Variants in ETV1 observed in about 807,000 individuals in gnomAD.
ETV1 encodes the protein ETS translocation variant 1.
A neutral mutation model predicts 62.3 loss-of-function variants in ETV1; 27 were observed. That is an observed-to-expected ratio of 0.43 (90% CI 0.32 to 0.60). ETV1 has a LOEUF of 0.60. Among genes scored for constraint, ETV1 ranks in the 20% least tolerant of loss-of-function variants. The probability of loss-of-function intolerance (pLI) is 0.06; values close to 1 mark genes in which losing one functional copy is unlikely to be tolerated. For missense variants in ETV1, 605 were observed against 605.8 expected (o/e 1.00, Z 0.01); for synonymous variants, 222 against 199.6 (o/e 1.11, Z -0.94).
chr7:13,938,129 G>C (rs948425630), intron 7 of ETV1, among the ~76,000 whole-genome samples: 1 of 152,120 alleles, frequency 6.6e-6, no homozygotes, highest in East Asian at 1.9e-4. Context: ...ATTTTCAGTA[G>C]AGACGAGGTT....
At chr7:13,930,601 G>C (rs140702194) in intron 9 of ETV1, among the ~76,000 whole-genome samples, 1 of 151,878 alleles carries the variant, frequency 6.6e-6, no homozygotes, top group Non-Finnish European at 1.5e-5. Context: ...GATTACAGGC[G>C]TGAGCCACCA....
Position 13,892,485 on chromosome 7 carries a change from G to A in ETV1, c.*3381C>T, listed in dbSNP as rs1781448097. On this transcript the variant is annotated 3_prime_UTR_variant, in exon 14 of 14. Coordinates refer to ENST00000430479, the MANE Select transcript of ETV1 (RefSeq NM_004956.5). ...CCCTCAGCAGAACTCCACTGTTCCT[G>A]AGTAAATCAATTAGAGTCTTTGCTA... is the stretch of plus-strand genomic sequence containing the variant. 4.3e-6 allele frequency: 1 copy of A among 232,842 alleles called. No individual in the cohort carries two copies. The highest frequency in any genetic ancestry group is 5.6e-5 in the Admixed American group (1 of 17,752). The allele number at this position is 232,842 out of a possible 1,614,324, so 14.4% of individuals were successfully genotyped here.
Position 13,986,092 on chromosome 7 carries a change from A to G in ETV1, c.181+546T>C, listed in dbSNP as rs370366131. ...TCTCCCATTTATTTTAAACCCATAG[A>G]TTTCCTAAGCATTAGATACACACCT... On this transcript the variant is annotated intron_variant, in intron 5 of 13. Transcript: ENST00000430479. 6.7e-5 allele frequency: 102 copies of G among 1,530,464 alleles called. No individual in the cohort carries two copies. In the African/African-American group the frequency reaches 1.3e-3, roughly 19 times the overall value. The allele number at this position is 1,530,464 out of a possible 1,614,324, so 94.8% of individuals were successfully genotyped here. A position where few individuals can be genotyped will look rare whatever the true frequency, so the allele number is the denominator to read the frequency against.
At chr7:13,905,941 C>T (rs537075658) in intron 12 of ETV1, among the ~76,000 whole-genome samples, 26 of 152,240 alleles carry the variant, frequency 1.7e-4, no homozygotes, top group Admixed American at 1.5e-3. Context: ...TGTTTTTCCC[C>T]AATCTTCTTT....
At chr7:13,972,802 G>A (rs1781037384) in intron 6 of ETV1, among the ~76,000 whole-genome samples, 1 of 152,078 alleles carries the variant, frequency 6.6e-6, no homozygotes, top group African/African-American at 2.4e-5. Flanking sequence ...TAGATACAGG[G>A]TCTCATTATG....
intron 11 of ETV1, among the ~76,000 whole-genome samples, chr7:13,907,434 A>G (rs1325073964): frequency 6.6e-6 from 1 of 152,132 alleles, no homozygotes; most frequent in Non-Finnish European, 1.5e-5. Flanking sequence ...TTTGTGTTAT[A>G]TTTATTTGAT....
At chr7:13,988,928 C>G in intron 3 of ETV1, 80 bp downstream of exon 3, 2 of 1,434,212 alleles carry the variant, frequency 1.4e-6, no homozygotes, top group South Asian at 2.4e-5. Context: ...CCCCGTGCCC[C>G]CTCCCTTCTC....
At chr7:13,907,899 T>C (rs1363945824) in intron 11 of ETV1, 1 of 464,906 alleles carries the variant, frequency 2.2e-6, no homozygotes, top group Admixed American at 2.4e-5. Flanking sequence ...GCTGCTAAAA[T>C]CATTATGTTG....
chr7:13,957,730 A>G (rs970183415), intron 6 of ETV1, among the ~76,000 whole-genome samples: 2 of 152,248 alleles, frequency 1.3e-5, no homozygotes, highest in Admixed American at 6.5e-5. Flanking sequence ...TCAGCAGCTT[A>G]TATTAGCACT....
chr7:13,932,361 C>A (rs1017849227), intron 8 of ETV1, among the ~76,000 whole-genome samples: 3 of 152,102 alleles, frequency 2.0e-5, no homozygotes, highest in African/African-American at 7.2e-5. Flanking sequence ...GGACTCAAAC[C>A]CAAGCCGGTT....
At chr7:13,981,041 C>T (rs1748872477) in intron 5 of ETV1, among the ~76,000 whole-genome samples, 1 of 151,680 alleles carries the variant, frequency 6.6e-6, no homozygotes, top group African/African-American at 2.4e-5. Context: ...CCAAGGTTGG[C>T]TGCAGGGAAG....
At chr7:13,950,272 G>A (rs900735111) in intron 6 of ETV1, among the ~76,000 whole-genome samples, 6 of 152,050 alleles carry the variant, frequency 3.9e-5, no homozygotes, top group Admixed American at 6.6e-5. Context: ...TCCTTAGCAC[G>A]TGCAAGGATC....
chr7:13,951,255 T>C (rs567578026), intron 6 of ETV1, among the ~76,000 whole-genome samples: 37 of 152,310 alleles, frequency 2.4e-4, no homozygotes, highest in African/African-American at 8.7e-4. Flanking sequence ...ATAAAACTTA[T>C]GTCACACTCA....
chr7:13,935,837 C>G lies in ETV1; in HGVS notation c.425G>C (p.Ser142Thr). The change falls in exon 8 of 14, where the codon AGC becomes ACC. Residue 142 changes from serine (S) to threonine (T), a missense_variant. Transcript: ENST00000430479. ...ATGATGCAGTGGGGACACTGGCGTG[C>G]TGGATGGTGTGGGGGGGTTGGAGGG... The part of the protein sequence containing the change: ...MRPSNPPTPS[S>T]TPVSPLHHAS... 6.2e-7 allele frequency: 1 copy of G among 1,613,778 alleles called. No homozygotes were observed. The highest frequency in any genetic ancestry group is 8.5e-7 in the Non-Finnish European group (1 of 1,179,836).
chr7:13,907,545 C>CAA (rs34369528), intron 11 of ETV1, among the ~76,000 whole-genome samples: 3,146 of 150,280 alleles, frequency 0.021, 117 homozygotes, highest in African/African-American at 0.073. Context: ...ATTAATTTTA[C>CAA]AAAAAAAAAT....
chr7:13,943,794 A>C (rs1471731767), intron 6 of ETV1, among the ~76,000 whole-genome samples: 3 of 152,216 alleles, frequency 2.0e-5, no homozygotes, highest in African/African-American at 7.2e-5. Flanking sequence ...GGTTATATGG[A>C]TATATACACA....
intron 3 of ETV1, 128 bp downstream of exon 3, chr7:13,988,880 C>T: frequency 1.3e-6 from 2 of 1,558,140 alleles, no homozygotes; most frequent in Non-Finnish European, 1.8e-6. Context: ...AGTCGCCCTA[C>T]AGTGGCAACA....
At chr7:13,902,310 C>T (rs1268859887) in intron 12 of ETV1, among the ~76,000 whole-genome samples, 1 of 151,762 alleles carries the variant, frequency 6.6e-6, no homozygotes, top group African/African-American at 2.4e-5. Context: ...TAGCTATTTT[C>T]CCTCTCAGTA....
At chr7:13,930,186 C>T (rs555308194) in intron 9 of ETV1, among the ~76,000 whole-genome samples, 95 of 152,222 alleles carry the variant, frequency 6.2e-4, no homozygotes, top group African/African-American at 2.3e-3. Context: ...CATAGATTAT[C>T]TTTCAAAATA....
Sources: allele counts gnomAD v4.1 joint callset (sites outside exome capture counted in the v4.1 genomes callset), GRCh38; gene constraint gnomAD v4.1.1; transcripts MANE v1.5; gene names NCBI Gene and HGNC (gene_info 2026-07-23, HGNC 2026-07-21).